COL11A1: variants seen among roughly 807,000 people sequenced by gnomAD.
COL11A1 encodes the protein collagen type XI alpha 1 chain.
A neutral mutation model predicts 265.2 loss-of-function variants in COL11A1; 74 were observed. That is an observed-to-expected ratio of 0.28 (90% confidence interval 0.23 to 0.34). The LOEUF (loss-of-function observed/expected upper bound fraction) is 0.34. Ranked by LOEUF, COL11A1 falls within the 10% of genes least tolerant of loss-of-function variation. The pLI, the probability that COL11A1 is intolerant of heterozygous loss-of-function variation, is 1.00. For missense variants in COL11A1, 2,165 were observed against 2,263.6 expected (o/e 0.96, Z 0.88); for synonymous variants, 816 against 727.6 (o/e 1.12, Z -1.96).
chr1:103,004,766 A>G (rs1168946220), intron 18 of COL11A1, 105 bp from the exon 19 acceptor site: 2 of 972,906 alleles, frequency 2.1e-6, no homozygotes, highest in Admixed American at 2.2e-5. Flanking sequence ...TTTGGCAGGG[A>G]AAATATATGC....
At chr1:102,898,590 A>G in intron 56 of COL11A1, 76 bp downstream of exon 56, 1 of 1,076,296 alleles carries the variant, frequency 9.3e-7, no homozygotes. Flanking sequence ...ATGCTAACAT[A>G]GACACCTTCA....
At chr1:103,006,190 T>TAAATAAATAAATAAAA (rs1209173144) in intron 16 of COL11A1, 69 bp from the exon 17 acceptor site, 2 of 1,284,022 alleles carry the variant, frequency 1.6e-6, no homozygotes, top group Non-Finnish European at 2.1e-6. Flanking sequence ...AATAAATAAA[T>TAAATAAATAAATAAAA]AAATAAATAA....
chr1:102,986,974 TA>T (rs1173496829), intron 30 of COL11A1, among the ~76,000 whole-genome samples: 6 of 150,600 alleles, frequency 4.0e-5, no homozygotes, highest in Admixed American at 2.6e-4. Context: ...AATGCATGTT[TA>T]AGTGGAAAAA....
intron 28 of COL11A1, among the ~76,000 whole-genome samples, chr1:102,992,475 T>C (rs1344257651): frequency 6.6e-6 from 1 of 152,044 alleles, no homozygotes; most frequent in Non-Finnish European, 1.5e-5. Flanking sequence ...ATATATAAAA[T>C]ATTTTCCATT....
intron 46 of COL11A1, among the ~76,000 whole-genome samples, chr1:102,931,477 T>A (rs1307767197): frequency 6.6e-6 from 1 of 152,194 alleles, no homozygotes; most frequent in African/African-American, 2.4e-5. Flanking sequence ...ATAATCTCTC[T>A]TCTTATACAT....
chr1:103,037,404 G>A (rs1668463530), intron 4 of COL11A1, among the ~76,000 whole-genome samples: 1 of 151,998 alleles, frequency 6.6e-6, no homozygotes, highest in Admixed American at 6.6e-5. Context: ...CTTGTCTTAT[G>A]TGAAGCCAAC....
intron 49 of COL11A1, among the ~76,000 whole-genome samples, chr1:102,918,135 T>C (rs900795154): frequency 2.6e-5 from 4 of 151,164 alleles, no homozygotes; most frequent in Non-Finnish European, 4.4e-5. Flanking sequence ...AATTAATATG[T>C]TTTATGATAG....
intron 44 of COL11A1, among the ~76,000 whole-genome samples, chr1:102,937,447 T>C (rs954590829): frequency 1.3e-4 from 20 of 152,310 alleles, no homozygotes; most frequent in Middle Eastern, 3.4e-3. Context: ...ATATGGTTTG[T>C]CCCCACTAAA....
intron 42 of COL11A1, among the ~76,000 whole-genome samples, chr1:102,945,687 T>G (rs903618165): frequency 5.3e-5 from 8 of 152,142 alleles, no homozygotes; most frequent in African/African-American, 1.9e-4. Flanking sequence ...CAGTTTGTGT[T>G]TTAATCTTGT....
intron 34 of COL11A1, 27 bp downstream of exon 34, chr1:102,978,833 T>C (rs369743528): frequency 5.6e-6 from 9 of 1,613,950 alleles, no homozygotes; most frequent in Non-Finnish European, 7.6e-6. Context: ...TACAGTAACA[T>C]CCAAACAGAA....
In COL11A1 at chr1:102,899,578, G is replaced by T. The variant is rs1200748518; in HGVS notation, c.4087-584C>A. 2.0e-5 allele frequency among the ~76,000 whole-genome samples: 3 copies of T among 151,560 alleles called. No homozygotes were observed. The East Asian group carries it at 5.8e-4, about 29-fold the overall frequency. On this transcript the variant is annotated intron_variant, in intron 54 of 66. Coordinates refer to ENST00000370096, the MANE Select transcript of COL11A1 (RefSeq NM_001854.4). ...TATCACTTTTTAAATCCTAATATTA[G>T]AAGTAAAATTGAAAAAAAAATTACA...
At chr1:102,941,583 G>A (rs1164149001) in intron 42 of COL11A1, among the ~76,000 whole-genome samples, 1 of 152,096 alleles carries the variant, frequency 6.6e-6, no homozygotes, top group African/African-American at 2.4e-5. Flanking sequence ...CTGATGCCAT[G>A]TCCATTCCTG....
In COL11A1 at chr1:102,971,688, G is replaced by C. The variant is rs142381815; in HGVS notation, c.2809-1416C>G. Among the ~76,000 whole-genome samples the C allele has an allele frequency of 1.6e-3, 249 of 152,158 alleles. 1 individual carries two copies. The highest frequency in any genetic ancestry group is 0.01 in the Middle Eastern group (3 of 294). ...TTTCCAGGTTGGCTAGTTACTTCAG[G>C]AGAAAGGTTCTTGGTGGTGCCAGAA... is the stretch of plus-strand genomic sequence containing the variant. On this transcript the variant is annotated intron_variant, in intron 36 of 66. Transcript: ENST00000370096.
chr1:102,888,232 A>G (rs192500599), intron 62 of COL11A1, among the ~76,000 whole-genome samples: 129 of 152,286 alleles, frequency 8.5e-4, no homozygotes, highest in African/African-American at 3.0e-3. Context: ...AAAAATGTGA[A>G]GCATCTGAAT....
chr1:103,097,009 T>G (rs1293091355), intron 1 of COL11A1, among the ~76,000 whole-genome samples: 1 of 152,136 alleles, frequency 6.6e-6, no homozygotes, highest in South Asian at 2.1e-4. Flanking sequence ...AAGTGTGACT[T>G]AAATGTACTA....
intron 4 of COL11A1, among the ~76,000 whole-genome samples, chr1:103,073,827 T>C (rs1671765118): frequency 6.6e-6 from 1 of 152,018 alleles, no homozygotes; most frequent in Non-Finnish European, 1.5e-5. Context: ...TGTGTATGTA[T>C]AGTCACACAT....
chr1:102,969,361 C>T (rs1570901789), intron 37 of COL11A1, among the ~76,000 whole-genome samples: 1 of 152,202 alleles, frequency 6.6e-6, no homozygotes, highest in African/African-American at 2.4e-5. Context: ...CCTACCCTAA[C>T]ATGATTTTCA....
intron 62 of COL11A1, 122 bp from the exon 63 acceptor site, chr1:102,887,178 C>T (rs1299863090): frequency 8.5e-7 from 1 of 1,180,164 alleles, no homozygotes; most frequent in Admixed American, 1.8e-5. Flanking sequence ...TCATTAGCTA[C>T]AAAATTTATG....
chr1:103,039,759 G>A (rs1387681062), intron 4 of COL11A1, among the ~76,000 whole-genome samples: 8 of 150,344 alleles, frequency 5.3e-5, no homozygotes, highest in African/African-American at 1.7e-4. Flanking sequence ...TTTTTTATTC[G>A]TCTGAAGTTC....
Sources: allele counts gnomAD v4.1 joint callset (sites outside exome capture counted in the v4.1 genomes callset), GRCh38; gene constraint gnomAD v4.1.1; transcripts MANE v1.5; gene names NCBI Gene and HGNC (gene_info 2026-07-23, HGNC 2026-07-21).